Variants in LIN28B observed in about 807,000 individuals in gnomAD.
LIN28B encodes lin-28 RNA binding posttranscriptional regulator B, also known as protein lin-28 homolog B.
Under a neutral mutation model 21.9 loss-of-function variants are expected in LIN28B, and 5 were observed. That is an observed-to-expected ratio of 0.23 (90% CI 0.12 to 0.48). The LOEUF (loss-of-function observed/expected upper bound fraction) is 0.48, where lower values mean the gene tolerates loss of function less well. Ranked by LOEUF, LIN28B falls within the 20% of genes least tolerant of loss-of-function variation. The probability of loss-of-function intolerance (pLI) is 0.98; values close to 1 mark genes in which losing one functional copy is unlikely to be tolerated. For missense variants in LIN28B, 245 were observed against 310.5 expected, an observed-to-expected ratio of 0.79 and a Z score of 1.58; for synonymous variants, 109 against 111.3, an observed-to-expected ratio of 0.98 and a Z score of 0.13.
intron 3 of LIN28B, among the ~76,000 whole-genome samples, chr6:105,032,788 T>G (rs1362619041): frequency 1.3e-5 from 2 of 152,186 alleles, no homozygotes; most frequent in Non-Finnish European, 2.9e-5. Context: ...GTTTTAATTT[T>G]CATTTCCTTA....
intron 3 of LIN28B, among the ~76,000 whole-genome samples, chr6:105,065,032 C>A (rs1338135619): frequency 2.0e-5 from 3 of 152,222 alleles, no homozygotes; most frequent in Non-Finnish European, 4.4e-5. Context: ...CAATCTGGTT[C>A]TATCTGGGGA....
intron 3 of LIN28B, among the ~76,000 whole-genome samples, chr6:105,043,068 G>C (rs928009959): frequency 6.6e-6 from 1 of 151,794 alleles, no homozygotes; most frequent in Non-Finnish European, 1.5e-5. Context: ...ATTTGCCAAA[G>C]GAACAAAAAA....
chr6:104,998,924 A>C (rs1035794389), intron 2 of LIN28B, among the ~76,000 whole-genome samples: 1 of 152,200 alleles, frequency 6.6e-6, no homozygotes, highest in Non-Finnish European at 1.5e-5. Context: ...AAACTTCTTA[A>C]GTAATTGAAA....
intron 3 of LIN28B, among the ~76,000 whole-genome samples, chr6:105,058,884 A>G (rs929702542): frequency 6.6e-6 from 1 of 151,950 alleles, no homozygotes; most frequent in Admixed American, 6.6e-5. Flanking sequence ...GTTCACGTCC[A>G]TTGTCTGTTT....
intron 2 of LIN28B, among the ~76,000 whole-genome samples, chr6:104,998,422 A>G (rs897041236): frequency 1.3e-5 from 2 of 150,032 alleles, no homozygotes; most frequent in African/African-American, 5.1e-5. Flanking sequence ...AGCTGGTTTA[A>G]TTTTATTCTT....
At chr6:105,023,246 ATTAT>A (rs1439812676) in intron 2 of LIN28B, among the ~76,000 whole-genome samples, 2 of 91,568 alleles carry the variant, frequency 2.2e-5, no homozygotes, top group African/African-American at 8.4e-5. Context: ...TATATTATAT[ATTAT>A]TTATATATAA....
intron 3 of LIN28B, among the ~76,000 whole-genome samples, chr6:105,038,175 T>A (rs1348831255): frequency 6.6e-6 from 1 of 152,182 alleles, no homozygotes; most frequent in Non-Finnish European, 1.5e-5. Context: ...ACTCAAAGTA[T>A]CTATAGAAAT....
intron 2 of LIN28B, among the ~76,000 whole-genome samples, chr6:104,989,576 GTT>G (rs34394074): frequency 3.8e-4 from 23 of 60,598 alleles, no homozygotes; most frequent in African/African-American, 1.2e-3. Context: ...TTTTACTTGG[GTT>G]TTTTTTTTTT....
intron 3 of LIN28B, among the ~76,000 whole-genome samples, chr6:105,035,226 A>G (rs1051955620): frequency 6.6e-6 from 1 of 152,086 alleles, no homozygotes; most frequent in Non-Finnish European, 1.5e-5. Context: ...TTTTATGTGT[A>G]TTATATCCCA....
intron 2 of LIN28B, among the ~76,000 whole-genome samples, chr6:105,013,069 G>A (rs557631459): frequency 7.0e-4 from 107 of 152,218 alleles, no homozygotes; most frequent in Non-Finnish European, 8.7e-4. Flanking sequence ...AGGCTGGGGT[G>A]CAATGGCGCA....
intron 2 of LIN28B, chr6:104,939,405 G>A (rs1271044429): frequency 1.3e-5 from 2 of 152,214 alleles, no homozygotes; most frequent in Non-Finnish European, 2.9e-5. Flanking sequence ...GCCATCCAGG[G>A]AATTTGCTGA....
intron 3 of LIN28B, among the ~76,000 whole-genome samples, chr6:105,064,819 C>G (rs1283039278): frequency 2.0e-5 from 3 of 152,044 alleles, no homozygotes; most frequent in Non-Finnish European, 2.9e-5. Flanking sequence ...AGAGAATAAG[C>G]CAAGTTCTTC....
intron 2 of LIN28B, among the ~76,000 whole-genome samples, chr6:104,976,093 C>T (rs1360477528): frequency 6.6e-6 from 1 of 152,110 alleles, no homozygotes; most frequent in Non-Finnish European, 1.5e-5. Context: ...TCTCTGGGTT[C>T]TAGCCACATG....
chr6:104,986,836 A>G (rs892222089), intron 2 of LIN28B, among the ~76,000 whole-genome samples: 5 of 152,246 alleles, frequency 3.3e-5, no homozygotes, highest in African/African-American at 1.2e-4. Flanking sequence ...CTGCAACTCT[A>G]GGACTAATTT....
chr6:104,967,528 C>T (rs1769885980), intron 2 of LIN28B, among the ~76,000 whole-genome samples: 1 of 130,428 alleles, frequency 7.7e-6, no homozygotes, highest in Non-Finnish European at 1.5e-5. Context: ...TTGCAGAGAA[C>T]CGAGATCATG....
chr6:105,075,746 C>T (rs1772413833), intron 3 of LIN28B, among the ~76,000 whole-genome samples: 1 of 152,178 alleles, frequency 6.6e-6, no homozygotes, highest in African/African-American at 2.4e-5. Context: ...TGACATCAGG[C>T]TCCTGGTCAA....
chr6:105,019,200 A>G (rs750750047), intron 2 of LIN28B, among the ~76,000 whole-genome samples: 11 of 152,194 alleles, frequency 7.2e-5, no homozygotes, highest in Non-Finnish European at 1.3e-4. Flanking sequence ...CAGCCGCCTC[A>G]GCCTCCCAAA....
chr6:105,028,726 A>G (rs759009392), intron 3 of LIN28B, among the ~76,000 whole-genome samples: 2 of 152,200 alleles, frequency 1.3e-5, no homozygotes, highest in African/African-American at 2.4e-5. Flanking sequence ...CCAAGTGAAG[A>G]TGTATATTAG....
chr6:104,991,577 C>T (rs866919828), intron 2 of LIN28B, among the ~76,000 whole-genome samples: 6 of 151,928 alleles, frequency 3.9e-5, no homozygotes, highest in South Asian at 2.1e-4. Flanking sequence ...GATGGGCGGC[C>T]GGGCAGAGAC....
Sources: allele counts gnomAD v4.1 joint callset (sites outside exome capture counted in the v4.1 genomes callset), GRCh38; gene constraint gnomAD v4.1.1; transcripts MANE v1.5; gene names NCBI Gene and HGNC (gene_info 2026-07-23, HGNC 2026-07-21).